The following SMIM20 variants were observed in gnomAD, a reference collection of about 807,000 sequenced individuals.
SMIM20 encodes the protein small integral membrane protein 20.
A neutral mutation model predicts 8.7 loss-of-function variants in SMIM20; 3 were observed. The observed-to-expected ratio is 0.34, with a 90% CI of 0.16 to 0.89. SMIM20 has a LOEUF of 0.89. Ranked by LOEUF, SMIM20 falls within the 40% of genes least tolerant of loss-of-function variation. The pLI, the probability that SMIM20 is intolerant of heterozygous loss-of-function variation, is 0.49. For synonymous variants in SMIM20, 44 were observed against 33.6 expected (o/e 1.31, Z -1.07); for missense variants, 85 against 84.8 (o/e 1.00, Z -0.01).
chr4:25,927,988 C>A (rs1347764748), intron 1 of SMIM20, among the ~76,000 whole-genome samples: 1 of 152,222 alleles, frequency 6.6e-6, no homozygotes, highest in Non-Finnish European at 1.5e-5. Flanking sequence ...TGATATCACG[C>A]CCACCAGTTC....
chr4:25,928,299 C>T lies in SMIM20; in HGVS notation c.110-14C>T. 3.2e-6 allele frequency: 5 copies of T among 1,547,630 alleles called. No individual in the cohort carries two copies. Among genetic ancestry groups the T allele is most frequent in the Non-Finnish European group, 4.4e-6 (5 of 1,145,468 alleles). ...CCCCCTTCTAAAGAATGATTTTTCTCTTATGTTTCTCAGAGAAGGAACAAG... is the reference window on the plus strand; with the variant it reads ...CCCCCTTCTAAAGAATGATTTTTCTTTTATGTTTCTCAGAGAAGGAACAAG... On this transcript the variant is annotated splice_polypyrimidine_tract_variant and intron_variant, in intron 1 of 2. Transcript: ENST00000506197.
intron 2 of SMIM20, 130 bp downstream of exon 2, chr4:25,928,499 C>A (rs1234424591): frequency 3.4e-6 from 3 of 881,536 alleles, no homozygotes; most frequent in African/African-American, 1.7e-5. Context: ...TGTGATTTTG[C>A]TATTTATTTC....
At chr4:25,924,510 A>G (rs1482024105) in intron 1 of SMIM20, among the ~76,000 whole-genome samples, 1 of 152,208 alleles carries the variant, frequency 6.6e-6, no homozygotes. Context: ...TCAAACTGAC[A>G]AAAGATCCAA....
chr4:25,927,879 G>C (rs926541221), intron 1 of SMIM20, among the ~76,000 whole-genome samples: 10 of 152,240 alleles, frequency 6.6e-5, no homozygotes, highest in African/African-American at 2.2e-4. Context: ...AGCATATTTA[G>C]CTCTGAGTCT....
Position 25,914,860 on chromosome 4 carries a change from G to T in SMIM20, c.109+438G>T, listed in dbSNP as rs140856011. On this transcript the variant is annotated intron_variant, in intron 1 of 2. Transcript: ENST00000506197. The stretch of plus-strand genomic sequence containing the variant: ...ATTTTACAAATGAGGGAACTGAGAG[G>T]CTCAGAGGTTTTATAACGTTCCCAA... 4.3e-3 allele frequency among the ~76,000 whole-genome samples: 658 copies of T among 152,270 alleles called. 8 individuals carry two copies. Among genetic ancestry groups the T allele is most frequent in the African/African-American group, 0.015 (623 of 41,558 alleles).
chr4:25,916,467 C>T (rs138222007), intron 1 of SMIM20, among the ~76,000 whole-genome samples: 14,823 of 152,114 alleles, frequency 0.097, 975 homozygotes, highest in East Asian at 0.29. Flanking sequence ...CCGCCTTGGC[C>T]TCCCAAAGTG....
At chr4:25,922,669 G>A (rs2168522) in intron 1 of SMIM20, among the ~76,000 whole-genome samples, 64,409 of 152,026 alleles carry the variant, frequency 0.42, 14,088 homozygotes, top group East Asian at 0.63. Context: ...TCCTGAGACT[G>A]TGGGGCAGAA....
At chr4:25,924,810 C>T (rs1047035610) in intron 1 of SMIM20, among the ~76,000 whole-genome samples, 1 of 152,096 alleles carries the variant, frequency 6.6e-6, no homozygotes. Flanking sequence ...AGAAATTTAA[C>T]GTTGATACAG....
At chr4:25,918,029 G>A (rs1422354996) in intron 1 of SMIM20, among the ~76,000 whole-genome samples, 21 of 146,214 alleles carry the variant, frequency 1.4e-4, no homozygotes, top group African/African-American at 5.3e-4. Context: ...TGCAAGCTCC[G>A]CCTCCCGGGT....
intron 1 of SMIM20, among the ~76,000 whole-genome samples, chr4:25,918,207 G>T (rs1405406296): frequency 6.6e-6 from 1 of 152,070 alleles, no homozygotes; most frequent in African/African-American, 2.4e-5. Context: ...CTCCCAAAGT[G>T]CTGGGATTAC....
intron 1 of SMIM20, among the ~76,000 whole-genome samples, chr4:25,920,398 AAAT>A (rs905340373): frequency 3.3e-5 from 5 of 152,322 alleles, no homozygotes; most frequent in Non-Finnish European, 5.9e-5. Context: ...AAAAAGGAAA[AAAT>A]AATAATAATT....
chr4:25,923,858 G>A (rs1204464041), intron 1 of SMIM20, among the ~76,000 whole-genome samples: 1 of 152,210 alleles, frequency 6.6e-6, no homozygotes, highest in African/African-American at 2.4e-5. Flanking sequence ...ACTGGGTCTT[G>A]TTTTCTAACT....
chr4:25,926,709 G>C (rs973131952), intron 1 of SMIM20, among the ~76,000 whole-genome samples: 2 of 152,214 alleles, frequency 1.3e-5, no homozygotes, highest in African/African-American at 4.8e-5. Context: ...CCTGCCTCTG[G>C]ACAATGTGTT....
chr4:25,920,698 G>C (rs1719180857), intron 1 of SMIM20, among the ~76,000 whole-genome samples: 1 of 152,192 alleles, frequency 6.6e-6, no homozygotes, highest in Non-Finnish European at 1.5e-5. Context: ...CTCACCCAGA[G>C]CAACTTCCAC....
Position 25,929,143 on chromosome 4 carries a change from T to G in SMIM20, c.167-11T>G. ...AATGAATCCTGTTTTTGTTCCTGTT[T>G]CTTTCCATAGGGTTAAAAGTGTGGT... On this transcript the variant is annotated splice_polypyrimidine_tract_variant and intron_variant, in intron 2 of 2. Transcript: ENST00000506197. 6.4e-7 allele frequency: 1 copy of G among 1,551,776 alleles called. No homozygotes were observed. The highest frequency in any genetic ancestry group is 8.7e-7 in the Non-Finnish European group (1 of 1,146,878).
intron 1 of SMIM20, among the ~76,000 whole-genome samples, chr4:25,916,256 G>T (rs1464087508): frequency 6.6e-6 from 1 of 151,962 alleles, no homozygotes; most frequent in Non-Finnish European, 1.5e-5. Context: ...TGTCACCCAG[G>T]CTGGAGTGCA....
At chr4:25,915,863 G>T (rs965005646) in intron 1 of SMIM20, among the ~76,000 whole-genome samples, 9 of 126,780 alleles carry the variant, frequency 7.1e-5, no homozygotes, top group South Asian at 5.9e-4. Flanking sequence ...ATGGGGCGGG[G>T]GGGGGGTCGA....
chr4:25,923,788 G>C (rs1024220251), intron 1 of SMIM20, among the ~76,000 whole-genome samples: 2 of 152,254 alleles, frequency 1.3e-5, no homozygotes, highest in African/African-American at 4.8e-5. Context: ...TGACATGCCA[G>C]GTGCTTAGAA....
chr4:25,928,472 T>G, intron 2 of SMIM20, 103 bp downstream of exon 2: 1 of 1,114,582 alleles, frequency 9.0e-7, no homozygotes, highest in South Asian at 1.7e-5. Flanking sequence ...AAATGCCTTT[T>G]AGCTTAGAGA....
Sources: gnomAD v4.1 joint callset for allele counts (sites outside exome capture counted in the v4.1 genomes callset) on GRCh38, gnomAD v4.1.1 for gene constraint, MANE v1.5 for transcripts, NCBI Gene and HGNC (gene_info 2026-07-23, HGNC 2026-07-21) for gene names.